The following CUBN variants were observed in gnomAD, a reference collection of about 807,000 sequenced individuals.
CUBN encodes cubilin.
In CUBN, 282 loss-of-function variants were observed where a neutral mutation model predicts 405.3. The ratio of observed to expected loss-of-function variants is 0.70; its 90% CI spans 0.63 to 0.77. CUBN has a LOEUF of 0.77. Ranked by LOEUF, CUBN falls within the 30% of genes least tolerant of loss-of-function variation. The probability of loss-of-function intolerance (pLI) is 0.00; values close to 1 mark genes in which losing one functional copy is unlikely to be tolerated. For synonymous variants in CUBN, 1,684 were observed against 1,617.0 expected (o/e 1.04, Z -0.99); for missense variants, 4,514 against 4,475.2 (o/e 1.01, Z -0.25).
At chr10:16,863,372 A>G (rs937095248) in intron 59 of CUBN, among the ~76,000 whole-genome samples, 1 of 152,180 alleles carries the variant, frequency 6.6e-6, no homozygotes, top group African/African-American at 2.4e-5. Flanking sequence ...ACATTAGGAA[A>G]CCAGAAAAAT....
intron 17 of CUBN, among the ~76,000 whole-genome samples, chr10:17,078,599 T>C (rs1835901512): frequency 6.6e-6 from 1 of 152,222 alleles, no homozygotes; most frequent in African/African-American, 2.4e-5. Context: ...CTATATTACA[T>C]ACCCATTCCC....
chr10:17,104,680 G>C (rs2131301343), intron 11 of CUBN, 75 bp from the exon 12 acceptor site: 2 of 813,104 alleles, frequency 2.5e-6, no homozygotes, highest in East Asian at 2.8e-5. Flanking sequence ...CAAATAATAG[G>C]AATGTAGTGC....
chr10:17,126,283 T>C (rs1210563934), intron 4 of CUBN, among the ~76,000 whole-genome samples: 1 of 152,232 alleles, frequency 6.6e-6, no homozygotes, highest in Non-Finnish European at 1.5e-5. Context: ...GTAGTACAGT[T>C]ATACAATGTT....
In CUBN at chr10:16,888,308, G is replaced by A. The variant is rs532351314; in HGVS notation, c.8905+109C>T. The A allele has an allele frequency of 1.0e-3, 913 of 873,948 alleles. 14 individuals are homozygous for A. The South Asian group carries it at 0.012, about 11-fold the overall frequency. The allele number at this position is 873,948 out of a possible 1,614,324, so 54.1% of individuals were successfully genotyped here. A position where few individuals can be genotyped will look rare whatever the true frequency, so the allele number is the denominator to read the frequency against. On this transcript the variant is annotated intron_variant, in intron 56 of 66. Coordinates refer to ENST00000377833, the MANE Select transcript of CUBN (RefSeq NM_001081.4). ...GAGTGAGCAGACATGTTAATTAACT[G>A]GATTTAGCCACTCTACAACATGTAC...
At chr10:17,058,293 G>A (rs1041136775) in intron 22 of CUBN, among the ~76,000 whole-genome samples, 65 of 152,058 alleles carry the variant, frequency 4.3e-4, no homozygotes, top group African/African-American at 1.6e-3. Context: ...TGGAGGGACA[G>A]AAGTATTCGA....
At chr10:17,084,242 T>G in intron 17 of CUBN, 29 bp downstream of exon 17, 1 of 1,609,884 alleles carries the variant, frequency 6.2e-7, no homozygotes, top group Non-Finnish European at 8.5e-7. Context: ...ATGAATGTCA[T>G]CTAAGGGCGA....
At chr10:16,861,864 C>T (rs1161041484) in intron 59 of CUBN, among the ~76,000 whole-genome samples, 1 of 151,864 alleles carries the variant, frequency 6.6e-6, no homozygotes, top group Non-Finnish European at 1.5e-5. Flanking sequence ...AAAAGAATCC[C>T]TGGGGGCTGG....
chr10:16,826,616 A>T (rs1196637142), intron 66 of CUBN, among the ~76,000 whole-genome samples: 1 of 152,230 alleles, frequency 6.6e-6, no homozygotes, highest in Non-Finnish European at 1.5e-5. Flanking sequence ...ATCCACATTT[A>T]TAAAAAAATG....
intron 54 of CUBN, among the ~76,000 whole-genome samples, chr10:16,895,500 G>A (rs1033687857): frequency 6.6e-6 from 1 of 152,134 alleles, no homozygotes; most frequent in African/African-American, 2.4e-5. Context: ...GAAGTCCTCA[G>A]CTATAACCGA....
intron 17 of CUBN, among the ~76,000 whole-genome samples, chr10:17,076,744 T>C (rs889500309): frequency 1.6e-4 from 25 of 152,218 alleles, no homozygotes; most frequent in African/African-American, 6.0e-4. Context: ...TGGAAGTCAC[T>C]GCATAATTCA....
intron 28 of CUBN, among the ~76,000 whole-genome samples, chr10:17,008,354 G>GGT (rs1554809185): frequency 1.6e-5 from 2 of 125,354 alleles, no homozygotes; most frequent in Non-Finnish European, 3.4e-5. Flanking sequence ...GTGTGTGTGT[G>GGT]GTGTGTGTGT....
chr10:17,064,050 G>C (rs1407584839), intron 22 of CUBN, among the ~76,000 whole-genome samples: 1 of 152,158 alleles, frequency 6.6e-6, no homozygotes, highest in African/African-American at 2.4e-5. Flanking sequence ...TTGGTCACTG[G>C]ATGTTAACCA....
At chr10:16,950,639 G>C (rs1842900937) in intron 33 of CUBN, among the ~76,000 whole-genome samples, 1 of 152,170 alleles carries the variant, frequency 6.6e-6, no homozygotes, top group African/African-American at 2.4e-5. Context: ...GGTTTCCTTT[G>C]AAGAGTAATA....
intron 28 of CUBN, among the ~76,000 whole-genome samples, chr10:17,014,757 T>C (rs1834282116): frequency 6.6e-6 from 1 of 152,188 alleles, no homozygotes; most frequent in Non-Finnish European, 1.5e-5. Flanking sequence ...GTGCCTGGAC[T>C]TGAGAAGTTA....
chr10:16,921,524 G>A (rs866386806), intron 43 of CUBN, among the ~76,000 whole-genome samples: 72 of 152,176 alleles, frequency 4.7e-4, no homozygotes, highest in Middle Eastern at 3.4e-3. Context: ...ACAGTTATAT[G>A]CCCAAAGAAC....
Position 17,046,033 on chromosome 10 carries a change from T to C in CUBN, c.3391A>G (p.Thr1131Ala), listed in dbSNP as rs201138390. Residue 1131 changes from threonine (T) to alanine (A), a missense_variant, in exon 24 of 67, where the codon ACA becomes GCA. By Grantham distance (58) the Thr-to-Ala change is moderately conservative (BLOSUM62 0). Transcript: ENST00000377833. ...AGTTTGTTACTATGAGAGATGATTG[T>C]TGGGGGTAGATTTGAGCCATAGAAT... ...GIFYGSNLPP[T>A]IISHSNKLWL... The C allele has an allele frequency of 1.7e-5, 28 of 1,613,744 alleles. No individual in the cohort carries two copies. The East Asian group carries it at 3.1e-4, about 18-fold the overall frequency.
At chr10:16,840,009 T>C (rs1199881477) in intron 62 of CUBN, among the ~76,000 whole-genome samples, 1 of 138,942 alleles carries the variant, frequency 7.2e-6, no homozygotes, top group Non-Finnish European at 1.5e-5. Context: ...AGGTGGGAAT[T>C]GAACAATCGG....
intron 28 of CUBN, among the ~76,000 whole-genome samples, chr10:17,015,113 T>C (rs533005216): frequency 6.6e-6 from 1 of 152,348 alleles, no homozygotes; most frequent in Non-Finnish European, 1.5e-5. Context: ...ACTGCTGCAT[T>C]TCCTTACTAA....
intron 9 of CUBN, among the ~76,000 whole-genome samples, chr10:17,110,255 G>A (rs1464021773): frequency 6.6e-6 from 1 of 152,164 alleles, no homozygotes; most frequent in Non-Finnish European, 1.5e-5. Flanking sequence ...CTGTGGTTTA[G>A]TAAACTTGGT....
Sources: gnomAD v4.1 joint callset for allele counts (sites outside exome capture counted in the v4.1 genomes callset) on GRCh38, gnomAD v4.1.1 for gene constraint, MANE v1.5 for transcripts, NCBI Gene and HGNC (gene_info 2026-07-23, HGNC 2026-07-21) for gene names.